STXBP6: variants seen among roughly 807,000 people sequenced by gnomAD.
STXBP6 encodes syntaxin-binding protein 6.
A neutral mutation model predicts 26.9 loss-of-function variants in STXBP6; 21 were observed. The ratio of observed to expected loss-of-function variants is 0.78; its 90% CI spans 0.55 to 1.12. STXBP6 has a LOEUF of 1.12. STXBP6 is among the 50% of genes most tolerant of loss of function. The probability of loss-of-function intolerance (pLI) is 0.00; values close to 1 mark genes in which losing one functional copy is unlikely to be tolerated. For synonymous variants in STXBP6, 97 were observed against 92.6 expected (o/e 1.05, Z -0.27); for missense variants, 232 against 257.9 (o/e 0.90, Z 0.69).
intron 1 of STXBP6, among the ~76,000 whole-genome samples, chr14:25,038,854 C>T (rs2075596203): frequency 1.3e-5 from 2 of 151,580 alleles, no homozygotes; most frequent in East Asian, 3.9e-4. Context: ...TGGTAGTTAC[C>T]AGGGGAGGAG....
intron 2 of STXBP6, among the ~76,000 whole-genome samples, chr14:24,863,588 C>G (rs1400819186): frequency 6.6e-6 from 1 of 152,040 alleles, no homozygotes; most frequent in Non-Finnish European, 1.5e-5. Flanking sequence ...CAAGAGATAT[C>G]AAGAGACTAG....
Position 24,937,617 on chromosome 14 carries a change from CAT to C in STXBP6, c.154+37046_154+37047del, listed in dbSNP as rs111815475. Among the ~76,000 whole-genome samples the C allele has an allele frequency of 2.6e-5, 4 of 151,806 alleles. No individual in the cohort carries two copies. The South Asian group carries it at 6.2e-4, about 24-fold the overall frequency. On this transcript the variant is annotated intron_variant, in intron 2 of 5. Transcript: ENST00000323944. The stretch of plus-strand genomic sequence containing the variant: ...CCCAATTTCATTAAAATGTAAAACA[CAT>C]ATATATATATGTCTTAGAAACATAA...
intron 1 of STXBP6, among the ~76,000 whole-genome samples, chr14:24,998,251 T>C (rs2074657546): frequency 6.6e-6 from 1 of 152,216 alleles, no homozygotes; most frequent in Admixed American, 6.5e-5. Flanking sequence ...CTTGGGTTAT[T>C]ATGTTGATTG....
chr14:24,960,706 C>T (rs892689583), intron 2 of STXBP6, among the ~76,000 whole-genome samples: 2 of 152,118 alleles, frequency 1.3e-5, no homozygotes, highest in African/African-American at 4.8e-5. Context: ...CAGCTGAACC[C>T]ATATTCAGTT....
At chr14:24,831,379 A>T (rs942542619) in intron 4 of STXBP6, among the ~76,000 whole-genome samples, 1 of 152,150 alleles carries the variant, frequency 6.6e-6, no homozygotes. Flanking sequence ...CCATTTGTAT[A>T]CTTGGTACCA....
At chr14:24,860,059 T>G (rs1016322982) in intron 2 of STXBP6, among the ~76,000 whole-genome samples, 1 of 152,210 alleles carries the variant, frequency 6.6e-6, no homozygotes, top group African/African-American at 2.4e-5. Flanking sequence ...CAAACTATTA[T>G]GTCCAGAATA....
intron 4 of STXBP6, among the ~76,000 whole-genome samples, chr14:24,852,671 T>C (rs960054853): frequency 4.6e-5 from 7 of 152,132 alleles, no homozygotes; most frequent in Non-Finnish European, 1.0e-4. Flanking sequence ...TTAAGAATTA[T>C]CTTAAATATT....
intron 1 of STXBP6, among the ~76,000 whole-genome samples, chr14:25,014,082 C>G (rs563324148): frequency 6.6e-6 from 1 of 152,252 alleles, no homozygotes; most frequent in South Asian, 2.1e-4. Flanking sequence ...AGGCTAAGAT[C>G]TAGATGAAAC....
intron 2 of STXBP6, among the ~76,000 whole-genome samples, chr14:24,960,681 C>T (rs1325599330): frequency 1.3e-5 from 2 of 152,292 alleles, no homozygotes; most frequent in East Asian, 3.9e-4. Context: ...AATAGGTCTG[C>T]ACATTTGGCC....
intron 2 of STXBP6, among the ~76,000 whole-genome samples, chr14:24,933,139 G>T (rs989472180): frequency 6.6e-6 from 1 of 152,184 alleles, no homozygotes; most frequent in African/African-American, 2.4e-5. Flanking sequence ...TCAGGAGTTT[G>T]AGACCAGCCT....
At chr14:24,919,168 C>T (rs1188441527) in intron 2 of STXBP6, among the ~76,000 whole-genome samples, 6 of 152,022 alleles carry the variant, frequency 3.9e-5, no homozygotes, top group Non-Finnish European at 8.8e-5. Context: ...GCAACAGGTA[C>T]TATGTCGAGT....
intron 1 of STXBP6, among the ~76,000 whole-genome samples, chr14:25,010,335 G>A (rs181494856): frequency 1.6e-4 from 25 of 152,302 alleles, no homozygotes; most frequent in Admixed American, 6.5e-4. Context: ...CAATTAAAAT[G>A]CGTTCCAATT....
chr14:24,893,508 C>A (rs540271014), intron 2 of STXBP6, among the ~76,000 whole-genome samples: 1 of 152,080 alleles, frequency 6.6e-6, no homozygotes, highest in African/African-American at 2.4e-5. Context: ...TTGGGAAATT[C>A]CCAAGCACTT....
intron 4 of STXBP6, among the ~76,000 whole-genome samples, chr14:24,833,338 C>T (rs1326488717): frequency 6.6e-6 from 1 of 152,118 alleles, no homozygotes; most frequent in Non-Finnish European, 1.5e-5. Context: ...CCTATGTTCC[C>T]CTAGCACCCT....
chr14:24,862,100 C>T (rs72682914), intron 2 of STXBP6, among the ~76,000 whole-genome samples: 15,488 of 152,190 alleles, frequency 0.1, 1,101 homozygotes, highest in Non-Finnish European at 0.15. Flanking sequence ...TGGGCTCAAG[C>T]GATCCTCCCT....
chr14:25,031,053 G>A (rs567540282), intron 1 of STXBP6, among the ~76,000 whole-genome samples: 79 of 152,190 alleles, frequency 5.2e-4, no homozygotes, highest in African/African-American at 1.7e-3. Flanking sequence ...ATATTGGTAC[G>A]CTTCGAAATT....
chr14:24,893,473 C>T (rs1241606), intron 2 of STXBP6, among the ~76,000 whole-genome samples: 100,664 of 152,014 alleles, frequency 0.66, 33,443 homozygotes, highest in East Asian at 0.76. Context: ...TGTTCTTATT[C>T]GCCAAGCAGT....
intron 2 of STXBP6, among the ~76,000 whole-genome samples, chr14:24,941,313 A>G (rs932376374): frequency 2.0e-5 from 3 of 152,238 alleles, no homozygotes; most frequent in African/African-American, 7.2e-5. Flanking sequence ...GGGCCATGAT[A>G]GGGATGCATG....
At chr14:25,025,528 A>G (rs996149068) in intron 1 of STXBP6, among the ~76,000 whole-genome samples, 1 of 152,234 alleles carries the variant, frequency 6.6e-6, no homozygotes. Context: ...AAATGTTTTA[A>G]CATCATGTCC....
Sources: allele counts gnomAD v4.1 joint callset (sites outside exome capture counted in the v4.1 genomes callset), GRCh38; gene constraint gnomAD v4.1.1; transcripts MANE v1.5; gene names NCBI Gene and HGNC (gene_info 2026-07-23, HGNC 2026-07-21).